The following CC2D2A variants were observed in gnomAD, a reference collection of about 807,000 sequenced individuals.
The protein encoded by CC2D2A is coiled-coil and C2 domain containing 2A.
Under a neutral mutation model 212.9 loss-of-function variants are expected in CC2D2A, and 155 were observed. The observed-to-expected ratio is 0.73, with a 90% confidence interval of 0.64 to 0.83. The LOEUF is 0.83. CC2D2A is among the 40% of genes least tolerant of loss of function. CC2D2A has a pLI of 0.00. For synonymous variants in CC2D2A, 667 were observed against 686.5 expected, an observed-to-expected ratio of 0.97 and a Z score of 0.44; for missense variants, 1,856 against 1,956.2, an observed-to-expected ratio of 0.95 and a Z score of 0.97.
intron 34 of CC2D2A, 125 bp downstream of exon 34, chr4:15,596,332 C>A: frequency 1.3e-6 from 1 of 767,682 alleles, no homozygotes; most frequent in Non-Finnish European, 1.9e-6. Flanking sequence ...CGCATCTGAG[C>A]TCAACTCACA....
chr4:15,598,075 T>C (rs1472280468), intron 35 of CC2D2A, among the ~76,000 whole-genome samples: 1 of 152,228 alleles, frequency 6.6e-6, no homozygotes, highest in Non-Finnish European at 1.5e-5. Context: ...CGGTTTACAC[T>C]CATTTACTCT....
rs537906621 is a variant in CC2D2A at position 15,540,934 on chromosome 4, C to G, written c.2101C>G (p.Leu701Val). ...KEVSRTVSRP[L>V]GADFRVHFGQ... Reference sequence around the variant, plus strand: ...GGTGTCCAGGACAGTCAGTCGGCCACTAGGAGCAGACTTCCGAGTTCACTT... The same window carrying G: ...GGTGTCCAGGACAGTCAGTCGGCCAGTAGGAGCAGACTTCCGAGTTCACTT... Residue 701 changes from leucine to valine, a missense_variant, in exon 17 of 37, where the codon CTA (leucine) becomes GTA (valine). Leu to Val is a conservative substitution (Grantham distance 32, BLOSUM62 1). Around this residue, in one of 5 missense-constraint regions of CC2D2A, gnomAD observed 1,512 missense variants for 1,579.3 expected, o/e 0.96. Coordinates refer to ENST00000424120, the MANE Select transcript of CC2D2A (RefSeq NM_001378615.1). 9.6e-6 allele frequency: 15 copies of G among 1,569,732 alleles called. No individual in the cohort carries two copies. The African/African-American group carries it at 2.0e-4, about 21-fold the overall frequency.
At chr4:15,540,359 T>C (rs759301366) in intron 16 of CC2D2A, among the ~76,000 whole-genome samples, 2 of 152,142 alleles carry the variant, frequency 1.3e-5, no homozygotes, top group Non-Finnish European at 2.9e-5. Context: ...TCTGCATCCA[T>C]TGAACATTCA....
At chr4:15,511,682 T>G (rs1438362582) in intron 8 of CC2D2A, 1 of 245,398 alleles carries the variant, frequency 4.1e-6, no homozygotes, top group Non-Finnish European at 7.7e-6. Flanking sequence ...ATAATGTGGC[T>G]TGAGGGTTTT....
intron 11 of CC2D2A, among the ~76,000 whole-genome samples, chr4:15,524,303 T>G (rs967190370): frequency 8.6e-5 from 13 of 152,038 alleles, no homozygotes; most frequent in African/African-American, 2.9e-4. Context: ...CGGCTAACTT[T>G]TGTATTTTTA....
At chr4:15,532,489 T>A (rs144317587) in intron 13 of CC2D2A, among the ~76,000 whole-genome samples, 272 of 152,298 alleles carry the variant, frequency 1.8e-3, no homozygotes, top group Middle Eastern at 0.01. Context: ...TCCCCTGAGC[T>A]AAACTATAAA....
intron 16 of CC2D2A, among the ~76,000 whole-genome samples, chr4:15,539,357 A>G (rs924726797): frequency 5.3e-5 from 8 of 152,316 alleles, no homozygotes; most frequent in African/African-American, 1.7e-4. Context: ...TTAGTTCTCC[A>G]GTAAATAGAA....
At chr4:15,562,148 G>A (rs962372935) in intron 23 of CC2D2A, among the ~76,000 whole-genome samples, 2 of 152,220 alleles carry the variant, frequency 1.3e-5, no homozygotes, top group Non-Finnish European at 2.9e-5. Flanking sequence ...CCTTATAGGA[G>A]CTGTCAGCAG....
rs1408787003 is a variant in CC2D2A at position 15,587,717 on chromosome 4, C to A, written c.4066-99C>A. ...GGGCAAGATTATAGGTCTTACACTT[C>A]AAGACACTAACCTCTACTATGACAT... On this transcript the variant is annotated intron_variant, in intron 31 of 36. Transcript: ENST00000424120. The A allele has an allele frequency of 6.0e-6, 4 of 667,528 alleles. No individual in the cohort carries two copies. The Admixed American group carries it at 7.1e-5, about 12-fold the overall frequency. The allele number at this position is 667,528 out of a possible 1,614,324, so 41.4% of individuals were successfully genotyped here. A position where few individuals can be genotyped will look rare whatever the true frequency, so the allele number is the denominator to read the frequency against.
chr4:15,597,547 A>C lies in CC2D2A; in HGVS notation c.4496+82A>C, dbSNP rs1030333088. Reference sequence around the variant, plus strand: ...CTTTAAACCACTGTCAGCCTGGATGAATGTGAAACAATTTAGGCAACTTAA... The same window carrying C: ...CTTTAAACCACTGTCAGCCTGGATGCATGTGAAACAATTTAGGCAACTTAA... On this transcript the variant is annotated intron_variant, in intron 35 of 36. Coordinates refer to ENST00000424120, the MANE Select transcript of CC2D2A (RefSeq NM_001378615.1). 2.8e-6 allele frequency: 3 copies of C among 1,057,130 alleles called. No homozygotes were observed. The African/African-American group carries it at 4.8e-5, about 17-fold the overall frequency. 65.5% of individuals were successfully genotyped at this position (1,057,130 alleles called of 1,614,324 possible).
chr4:15,535,732 T>A (rs1718094132), intron 14 of CC2D2A, among the ~76,000 whole-genome samples: 1 of 152,190 alleles, frequency 6.6e-6, no homozygotes. Context: ...TGGGGGACTG[T>A]AAACTGCTTA....
At chr4:15,478,511 G>A (rs1439268784) in intron 2 of CC2D2A, among the ~76,000 whole-genome samples, 1 of 152,202 alleles carries the variant, frequency 6.6e-6, no homozygotes, top group Non-Finnish European at 1.5e-5. Flanking sequence ...TCTCGTGTAT[G>A]ATGGTCCAAT....
In CC2D2A at chr4:15,569,424, C is replaced by T. The variant is rs767728134; in HGVS notation, c.3495+35C>T. 2.5e-6 allele frequency: 3 copies of T among 1,196,922 alleles called. No individual in the cohort carries two copies. In the South Asian group the frequency reaches 3.9e-5, roughly 16 times the overall value. The allele number at this position is 1,196,922 out of a possible 1,614,324, so 74.1% of individuals were successfully genotyped here. On this transcript the variant is annotated intron_variant, in intron 27 of 36. Coordinates refer to ENST00000424120, the MANE Select transcript of CC2D2A (RefSeq NM_001378615.1). ...CAGTTTTAAGAAAGACACTTGTATT[C>T]ACTTTCATATCCTCTACCCACTACA... is the stretch of plus-strand genomic sequence containing the variant.
chr4:15,526,965 CAGTT>C (rs1717541019), intron 11 of CC2D2A, among the ~76,000 whole-genome samples: 1 of 152,170 alleles, frequency 6.6e-6, no homozygotes, highest in South Asian at 2.1e-4. Context: ...GCATGATGCT[CAGTT>C]AGGTAGATGT....
chr4:15,546,066 C>T (rs1421590334), intron 17 of CC2D2A, among the ~76,000 whole-genome samples: 2 of 151,836 alleles, frequency 1.3e-5, no homozygotes, highest in Admixed American at 1.3e-4. Context: ...GCCATGATCA[C>T]GCCACTGCAC....
At chr4:15,580,279 G>A (rs540780269) in intron 30 of CC2D2A, 108 bp downstream of exon 30, 24 of 790,186 alleles carry the variant, frequency 3.0e-5, no homozygotes, top group South Asian at 1.6e-4. Flanking sequence ...TAACTATATC[G>A]AGATCATTAA....
At chr4:15,561,906 C>T (rs918432665) in intron 23 of CC2D2A, among the ~76,000 whole-genome samples, 1 of 152,186 alleles carries the variant, frequency 6.6e-6, no homozygotes, top group East Asian at 1.9e-4. Flanking sequence ...TGCTCTCCCT[C>T]CTACTACTAA....
chr4:15,486,788 CTATA>C (rs1336003206), intron 4 of CC2D2A, among the ~76,000 whole-genome samples: 5 of 151,940 alleles, frequency 3.3e-5, no homozygotes, highest in African/African-American at 4.8e-5. Context: ...GTATTTATTG[CTATA>C]AAATTCCCTT....
chr4:15,594,023 C>A (rs1008957438), intron 33 of CC2D2A, among the ~76,000 whole-genome samples: 1 of 152,102 alleles, frequency 6.6e-6, no homozygotes, highest in African/African-American at 2.4e-5. Flanking sequence ...CTGATACCCA[C>A]CCTACCCACC....
Sources: gnomAD v4.1 joint callset for allele counts (sites outside exome capture counted in the v4.1 genomes callset) on GRCh38, gnomAD v4.1.1 for gene constraint, gnomAD v4.1.1 regional missense constraint, MANE v1.5 for transcripts, NCBI Gene and HGNC (gene_info 2026-07-23, HGNC 2026-07-21) for gene names.